MAML2: variants seen among roughly 807,000 people sequenced by gnomAD.
MAML2 encodes mastermind like transcriptional coactivator 2, also known as mastermind-like protein 2.
Under a neutral mutation model 96.1 loss-of-function variants are expected in MAML2, and 22 were observed. That is an observed-to-expected ratio of 0.23 (90% confidence interval 0.16 to 0.33). The LOEUF is 0.33. MAML2 is among the 10% of genes least tolerant of loss of function. The pLI, the probability that MAML2 is intolerant of heterozygous loss-of-function variation, is 1.00. For missense variants in MAML2, 1,367 were observed against 1,392.4 expected (o/e 0.98, Z 0.29); for synonymous variants, 561 against 521.3 (o/e 1.08, Z -1.04).
At chr11:96,139,867 T>A (rs1042007184) in intron 1 of MAML2, among the ~76,000 whole-genome samples, 1 of 152,198 alleles carries the variant, frequency 6.6e-6, no homozygotes, top group African/African-American at 2.4e-5. Flanking sequence ...CTATTCCCAC[T>A]CTTTCCACCC....
At chr11:96,157,202 G>A (rs183477747) in intron 1 of MAML2, among the ~76,000 whole-genome samples, 2 of 152,258 alleles carry the variant, frequency 1.3e-5, no homozygotes, top group East Asian at 1.9e-4. Context: ...TGTCAGAATG[G>A]GTCAGACCTA....
intron 1 of MAML2, among the ~76,000 whole-genome samples, chr11:96,165,031 C>T (rs890488017): frequency 2.0e-5 from 3 of 152,016 alleles, no homozygotes; most frequent in African/African-American, 7.2e-5. Flanking sequence ...CAGAAGAAAA[C>T]GAAAGAGATC....
intron 2 of MAML2, among the ~76,000 whole-genome samples, chr11:96,074,918 G>GGT (rs1859410588): frequency 6.6e-6 from 1 of 152,066 alleles, no homozygotes; most frequent in South Asian, 2.1e-4. Context: ...GGCAGGGAGT[G>GGT]GTGTTGCATA....
chr11:96,002,176 G>A (rs938735974), intron 2 of MAML2, among the ~76,000 whole-genome samples: 14 of 152,136 alleles, frequency 9.2e-5, no homozygotes, highest in Admixed American at 1.3e-4. Context: ...CATTTTAAGT[G>A]CTTTGAAGGC....
chr11:96,295,557 A>G (rs561001089), intron 1 of MAML2, among the ~76,000 whole-genome samples: 2 of 152,300 alleles, frequency 1.3e-5, no homozygotes, highest in East Asian at 3.9e-4. Context: ...TCAGAAGGCT[A>G]TGTTATTACT....
chr11:96,240,968 C>T (rs892525530), intron 1 of MAML2, among the ~76,000 whole-genome samples: 1 of 152,074 alleles, frequency 6.6e-6, no homozygotes, highest in African/African-American at 2.4e-5. Flanking sequence ...ACAGCATCTC[C>T]CTATGCTGTG....
At chr11:96,269,527 TG>T (rs1862883415) in intron 1 of MAML2, among the ~76,000 whole-genome samples, 1 of 144,034 alleles carries the variant, frequency 6.9e-6, no homozygotes, top group Admixed American at 7.3e-5. Context: ...CTTTTTATTT[TG>T]GGGGGAAATG....
At chr11:96,160,713 C>T (rs1393841509) in intron 1 of MAML2, among the ~76,000 whole-genome samples, 1 of 152,216 alleles carries the variant, frequency 6.6e-6, no homozygotes, top group South Asian at 2.1e-4. Flanking sequence ...CAAGCGTGAG[C>T]CACTGAGCCC....
At chr11:96,191,227 A>G (rs1591064511) in intron 1 of MAML2, among the ~76,000 whole-genome samples, 1 of 152,180 alleles carries the variant, frequency 6.6e-6, no homozygotes, top group African/African-American at 2.4e-5. Flanking sequence ...GCACTTTGGG[A>G]GGCTGAAGCG....
At chr11:96,215,837 A>G (rs1462139641) in intron 1 of MAML2, among the ~76,000 whole-genome samples, 3 of 152,134 alleles carry the variant, frequency 2.0e-5, no homozygotes, top group African/African-American at 7.2e-5. Context: ...CAGTCAAATG[A>G]TAGATCCAAG....
intron 1 of MAML2, among the ~76,000 whole-genome samples, chr11:96,163,709 G>A (rs1246066163): frequency 6.6e-6 from 1 of 152,168 alleles, no homozygotes; most frequent in Admixed American, 6.5e-5. Context: ...CTTTGGTACT[G>A]TTCTGGAAGG....
In MAML2 at chr11:96,166,811, A is replaced by G. The variant is rs145243016; in HGVS notation, c.514-73294T>C. Among the ~76,000 whole-genome samples, 679 of 152,372 alleles carry G rather than the reference A, an allele frequency of 4.5e-3. 4 individuals are homozygous for G. Among genetic ancestry groups the G allele is most frequent in the Middle Eastern group, 0.01 (3 of 294 alleles). ...TGAATAAAAACAAGGTGACTCCTCTATTAGACCACCCTGATTTGAAATAAC... is the reference window on the plus strand; with the variant it reads ...TGAATAAAAACAAGGTGACTCCTCTGTTAGACCACCCTGATTTGAAATAAC... On this transcript the variant is annotated intron_variant, in intron 1 of 4. Coordinates refer to ENST00000524717, the MANE Select transcript of MAML2 (RefSeq NM_032427.4).
At position 96,183,403 on chromosome 11, in the gene MAML2, C is replaced by G. The variant is rs555970181; in HGVS notation, c.514-89886G>C. Among the ~76,000 whole-genome samples the G allele has an allele frequency of 8.6e-3, 349 of 40,550 alleles. 4 individuals carry two copies. The highest frequency in any genetic ancestry group is 0.034 in the African/African-American group (328 of 9,526). The allele number at this position is 40,550 out of a possible 152,430, so 26.6% of individuals were successfully genotyped here. On this transcript the variant is annotated intron_variant, in intron 1 of 4. Transcript: ENST00000524717. ...CCCTTCCTCCGTTCCTCCCCCCCCCCCCTTTCTTTTGAGACAAGGGTTCTC... is the reference window on the plus strand; with the variant it reads ...CCCTTCCTCCGTTCCTCCCCCCCCCGCCTTTCTTTTGAGACAAGGGTTCTC...
intron 1 of MAML2, among the ~76,000 whole-genome samples, chr11:96,244,188 C>T (rs796350979): frequency 1.1e-4 from 16 of 152,316 alleles, no homozygotes; most frequent in African/African-American, 3.8e-4. Context: ...CTTTTGAGAG[C>T]CTCAGTGTCT....
intron 2 of MAML2, among the ~76,000 whole-genome samples, chr11:95,998,662 GTGCTAC>G (rs1196254902): frequency 6.6e-6 from 1 of 152,132 alleles, no homozygotes; most frequent in Non-Finnish European, 1.5e-5. Flanking sequence ...TTTTCCAACT[GTGCTAC>G]TGATGGATCA....
chr11:96,243,132 TACAC>T (rs34352998), intron 1 of MAML2, among the ~76,000 whole-genome samples: 2 of 151,466 alleles, frequency 1.3e-5, no homozygotes, highest in African/African-American at 2.4e-5. Context: ...CATTCTCTCT[TACAC>T]ACACACACAC....
chr11:96,022,578 T>A (rs543045867), intron 2 of MAML2, among the ~76,000 whole-genome samples: 1 of 149,236 alleles, frequency 6.7e-6, no homozygotes, highest in East Asian at 1.9e-4. Flanking sequence ...ACTGTCCCTG[T>A]CTATCTGTCC....
At chr11:96,180,864 C>T (rs530391610) in intron 1 of MAML2, among the ~76,000 whole-genome samples, 10 of 150,390 alleles carry the variant, frequency 6.6e-5, no homozygotes, top group Admixed American at 4.7e-4. Flanking sequence ...AGGGTGGGGC[C>T]GTTTTATAGG....
intron 2 of MAML2, among the ~76,000 whole-genome samples, chr11:96,033,898 T>C (rs1262915483): frequency 6.6e-6 from 1 of 152,216 alleles, no homozygotes; most frequent in Non-Finnish European, 1.5e-5. Flanking sequence ...TTGTGTTTCT[T>C]AGGCTTGAAA....
Sources: allele counts gnomAD v4.1 joint callset (sites outside exome capture counted in the v4.1 genomes callset), GRCh38; gene constraint gnomAD v4.1.1; transcripts MANE v1.5; gene names NCBI Gene and HGNC (gene_info 2026-07-23, HGNC 2026-07-21).